The following ASIC2 variants were observed in gnomAD, a reference collection of about 807,000 sequenced individuals.
ASIC2 encodes the protein acid sensing ion channel subunit 2.
In ASIC2, 25 loss-of-function variants were observed where a neutral mutation model predicts 57.3. The ratio of observed to expected loss-of-function variants is 0.44; its 90% CI spans 0.32 to 0.61. ASIC2 has a LOEUF of 0.61. ASIC2 is among the 20% of genes least tolerant of loss of function. The probability of loss-of-function intolerance (pLI) is 0.06; values close to 1 mark genes in which losing one functional copy is unlikely to be tolerated. For synonymous variants in ASIC2, 319 were observed against 307.5 expected (o/e 1.04, Z -0.39); for missense variants, 641 against 738.1 (o/e 0.87, Z 1.52).
intron 1 of ASIC2, among the ~76,000 whole-genome samples, chr17:33,694,548 T>C (rs1257017123): frequency 6.6e-6 from 1 of 152,198 alleles, no homozygotes; most frequent in Non-Finnish European, 1.5e-5. Flanking sequence ...AAGCCACAGT[T>C]AAGTGCCAAC....
At chr17:33,108,397 G>A (rs2092243590) in intron 2 of ASIC2, among the ~76,000 whole-genome samples, 1 of 152,182 alleles carries the variant, frequency 6.6e-6, no homozygotes, top group Non-Finnish European at 1.5e-5. Flanking sequence ...AAGGGAGATG[G>A]CATCTGTGGG....
intron 1 of ASIC2, among the ~76,000 whole-genome samples, chr17:33,763,377 C>G (rs1396493658): frequency 1.3e-5 from 2 of 152,188 alleles, no homozygotes; most frequent in South Asian, 4.1e-4. Context: ...GGGTGGGATG[C>G]TAGCTCCCAT....
chr17:33,563,081 T>G (rs1056347302), intron 1 of ASIC2, among the ~76,000 whole-genome samples: 1 of 152,176 alleles, frequency 6.6e-6, no homozygotes, highest in Non-Finnish European at 1.5e-5. Context: ...GGAACCATGA[T>G]GGCACAGCCA....
intron 1 of ASIC2, among the ~76,000 whole-genome samples, chr17:33,617,569 C>T (rs66755682): frequency 0.38 from 57,110 of 152,018 alleles, 10,977 homozygotes; most frequent in East Asian, 0.5. Context: ...ACCTGGATGA[C>T]AAAATAATCT....
Position 33,112,073 on chromosome 17 carries a change from G to A in ASIC2, c.709-6C>T, listed in dbSNP as rs2092260587. On this transcript the variant is annotated splice_polypyrimidine_tract_variant and splice_region_variant and intron_variant, in intron 1 of 9. Coordinates refer to ENST00000225823, the MANE Select transcript of ASIC2 (RefSeq NM_183377.2). ...TTCCCATATTTTGTAAACACCTGAA[G>A]GAGAGAAGAGAGAGAGAGAGAGAAG... The A allele has an allele frequency of 3.7e-6, 6 of 1,611,306 alleles. No individual in the cohort carries two copies. Among genetic ancestry groups the A allele is most frequent in the Non-Finnish European group, 5.1e-6 (6 of 1,178,606 alleles).
At chr17:34,106,560 A>G (rs987576185) in intron 1 of ASIC2, among the ~76,000 whole-genome samples, 2 of 152,074 alleles carry the variant, frequency 1.3e-5, no homozygotes, top group Non-Finnish European at 2.9e-5. Context: ...CTATCCATCT[A>G]TCTAATCTAT....
chr17:33,428,584 G>A (rs754993118), intron 1 of ASIC2, among the ~76,000 whole-genome samples: 4 of 152,118 alleles, frequency 2.6e-5, no homozygotes, highest in Non-Finnish European at 5.9e-5. Flanking sequence ...TTTCCCTTAG[G>A]ACACAGGGAA....
chr17:34,076,975 A>G (rs566745009), intron 1 of ASIC2, among the ~76,000 whole-genome samples: 51 of 152,310 alleles, frequency 3.3e-4, no homozygotes, highest in Non-Finnish European at 6.0e-4. Context: ...GCAGCTGGCC[A>G]TTTCTCACGG....
intron 1 of ASIC2, among the ~76,000 whole-genome samples, chr17:33,964,284 G>A (rs770879783): frequency 6.6e-6 from 1 of 152,216 alleles, no homozygotes; most frequent in Non-Finnish European, 1.5e-5. Context: ...GACCAGGTTA[G>A]CAGAGCAGGG....
At chr17:33,453,584 G>T (rs1912344512) in intron 1 of ASIC2, among the ~76,000 whole-genome samples, 1 of 152,192 alleles carries the variant, frequency 6.6e-6, no homozygotes. Flanking sequence ...CTTGGTTTAT[G>T]AGGACAATCA....
intron 1 of ASIC2, among the ~76,000 whole-genome samples, chr17:33,649,965 C>T (rs192636589): frequency 9.9e-5 from 15 of 151,720 alleles, no homozygotes; most frequent in East Asian, 3.9e-4. Context: ...AAGTGTGGTC[C>T]GTAAAGAAAA....
chr17:33,027,949 T>C (rs1366357750), intron 4 of ASIC2, among the ~76,000 whole-genome samples: 2 of 152,254 alleles, frequency 1.3e-5, no homozygotes, highest in Admixed American at 6.5e-5. Context: ...CATCCAGTTA[T>C]CTGGAAGCTA....
chr17:33,188,413 C>T (rs1004588724), intron 1 of ASIC2, among the ~76,000 whole-genome samples: 2 of 152,054 alleles, frequency 1.3e-5, no homozygotes, highest in Non-Finnish European at 2.9e-5. Context: ...TAATAGCCAG[C>T]ATTTTTCAAA....
At chr17:34,083,847 T>A (rs1033340179) in intron 1 of ASIC2, among the ~76,000 whole-genome samples, 1 of 152,260 alleles carries the variant, frequency 6.6e-6, no homozygotes, top group Non-Finnish European at 1.5e-5. Flanking sequence ...TTCAGGTCCT[T>A]CGCCCACTTT....
intron 1 of ASIC2, among the ~76,000 whole-genome samples, chr17:33,245,132 T>C (rs1908646796): frequency 6.6e-6 from 1 of 152,226 alleles, no homozygotes. Context: ...AAAGACTCCC[T>C]AGTGGCCATG....
intron 1 of ASIC2, among the ~76,000 whole-genome samples, chr17:33,519,942 C>T (rs933067376): frequency 1.3e-5 from 2 of 152,206 alleles, no homozygotes; most frequent in South Asian, 2.1e-4. Context: ...GATTTCAGAA[C>T]ATTTTTTATG....
intron 1 of ASIC2, among the ~76,000 whole-genome samples, chr17:34,032,025 C>T (rs550729588): frequency 2.1e-4 from 32 of 152,110 alleles, no homozygotes; most frequent in Non-Finnish European, 4.0e-4. Context: ...CACAAAGATA[C>T]TCCTCGAGAA....
intron 1 of ASIC2, among the ~76,000 whole-genome samples, chr17:33,123,929 T>G (rs1406622599): frequency 6.6e-6 from 1 of 152,216 alleles, no homozygotes; most frequent in African/African-American, 2.4e-5. Flanking sequence ...TTTGCGTTAT[T>G]CTACAGGGCT....
chr17:33,067,879 G>C (rs1276455485), intron 3 of ASIC2, among the ~76,000 whole-genome samples: 1 of 152,308 alleles, frequency 6.6e-6, no homozygotes, highest in South Asian at 2.1e-4. Flanking sequence ...CTTCTTTAAT[G>C]CATCATCAAC....
Sources: allele counts gnomAD v4.1 joint callset (sites outside exome capture counted in the v4.1 genomes callset), GRCh38; gene constraint gnomAD v4.1.1; transcripts MANE v1.5; gene names NCBI Gene and HGNC (gene_info 2026-07-23, HGNC 2026-07-21).